Variants in USP53 observed in about 807,000 individuals in gnomAD.
USP53 encodes the protein ubiquitin carboxyl-terminal hydrolase 53.
In USP53, 71 loss-of-function variants were observed where a neutral mutation model predicts 94.9. The ratio of observed to expected loss-of-function variants is 0.75; its 90% CI spans 0.62 to 0.91. The LOEUF is 0.91. Ranked by LOEUF, USP53 falls within the 40% of genes least tolerant of loss-of-function variation. The pLI, the probability that USP53 is intolerant of heterozygous loss-of-function variation, is 0.00. For missense variants in USP53, 1,173 were observed against 1,281.0 expected (o/e 0.92, Z 1.29); for synonymous variants, 375 against 422.7 (o/e 0.89, Z 1.39).
At chr4:119,278,401 T>C (rs1399229861) in intron 17 of USP53, among the ~76,000 whole-genome samples, 1 of 148,158 alleles carries the variant, frequency 6.7e-6, no homozygotes, top group Non-Finnish European at 1.5e-5. Flanking sequence ...TTGAAAATTC[T>C]TTTCTTTAAG....
intron 17 of USP53, among the ~76,000 whole-genome samples, chr4:119,283,939 G>T (rs1753799008): frequency 6.6e-6 from 1 of 151,872 alleles, no homozygotes; most frequent in Admixed American, 6.6e-5. Flanking sequence ...AGATCGAAGG[G>T]CAAGAAATAG....
In USP53 at chr4:119,269,808, G is replaced by A; in HGVS notation, c.1406G>A (p.Gly469Glu). The A allele has an allele frequency of 1.3e-6, 2 of 1,503,254 alleles. No individual in the cohort carries two copies. Among genetic ancestry groups the A allele is most frequent in the Admixed American group, 2.2e-5 (1 of 45,552 alleles). The allele number at this position is 1,503,254 out of a possible 1,614,324, so 93.1% of individuals were successfully genotyped here. ...LSSQRKDLEKGQRKDLGRHRD... is the reference protein window; with the variant it reads ...LSSQRKDLEKEQRKDLGRHRD... ...TCACAAAGGAAAGATTTAGAGAAGGGACAAAGAAAAGATTTAGGACGACAT... is the reference window on the plus strand; with the variant it reads ...TCACAAAGGAAAGATTTAGAGAAGGAACAAAGAAAAGATTTAGGACGACAT... The change falls in exon 15 of 19, where the codon GGA becomes GAA. Residue 469 changes from glycine to glutamate, a missense_variant. By Grantham distance (98) the Gly-to-Glu change is moderately conservative. Transcript: ENST00000692078.
intron 13 of USP53, 25 bp downstream of exon 13, chr4:119,267,507 C>T (rs376139155): frequency 6.3e-7 from 1 of 1,595,534 alleles, no homozygotes; most frequent in Non-Finnish European, 8.5e-7. Context: ...TAAAAATTCT[C>T]AATGTTTTTC....
At chr4:119,292,194 A>G (rs552403029) in intron 18 of USP53, 144 bp from the exon 19 acceptor site, 43 of 887,960 alleles carry the variant, frequency 4.8e-5, no homozygotes, top group Middle Eastern at 7.2e-4. Flanking sequence ...GGTTGCAAAT[A>G]TCTTTCCATT....
chr4:119,216,379 T>TA lies in USP53; in HGVS notation c.-788-1156dup, dbSNP rs34476597. 2.8e-3 allele frequency among the ~76,000 whole-genome samples: 415 copies of TA among 146,768 alleles called. 4 individuals are homozygous for TA. The highest frequency in any genetic ancestry group is 7.5e-3 in the Admixed American group (111 of 14,762). The stretch of plus-strand genomic sequence containing the variant: ...CTGGGCGACCGAGTGAGACTCTGTC[T>TA]AAAAAAAAAAAAAAATCATTAAGTA... On this transcript the variant is annotated intron_variant, in intron 2 of 18. Coordinates refer to ENST00000692078, the MANE Select transcript of USP53 (RefSeq NM_001371395.1).
chr4:119,278,357 T>G lies in USP53; in HGVS notation c.2251+4649T>G, dbSNP rs552874713. Among the ~76,000 whole-genome samples the G allele has an allele frequency of 6.2e-3, 944 of 151,618 alleles. 12 individuals carry two copies. The highest frequency in any genetic ancestry group is 0.021 in the African/African-American group (869 of 41,300). ...AAGTATTTTATTTCTCCTTCACTTA[T>G]GAAGCTTAGTTTGGCTGGATATGAA... On this transcript the variant is annotated intron_variant, in intron 17 of 18. Coordinates refer to ENST00000692078, the MANE Select transcript of USP53 (RefSeq NM_001371395.1).
intron 13 of USP53, 95 bp from the exon 14 acceptor site, chr4:119,268,173 C>CAA (rs10683951): frequency 0.075 from 63,962 of 853,712 alleles, 561 homozygotes; most frequent in African/African-American, 0.12. Flanking sequence ...GACTCCGTCT[C>CAA]AAAAAAAAAA....
intron 3 of USP53, among the ~76,000 whole-genome samples, chr4:119,223,043 T>C (rs998702750): frequency 6.6e-6 from 1 of 152,246 alleles, no homozygotes; most frequent in Non-Finnish European, 1.5e-5. Flanking sequence ...TCACTGTCTC[T>C]ATTTTCAGTA....
Position 119,279,594 on chromosome 4 carries a change from G to A in USP53, c.2251+5886G>A, listed in dbSNP as rs572043538. ...GCCCCCAGAGGTGGAGCCTACAGAG[G>A]CAGGCAGGCCTCCTTGAGCTGTGGT... On this transcript the variant is annotated intron_variant, in intron 17 of 18. Coordinates refer to ENST00000692078, the MANE Select transcript of USP53 (RefSeq NM_001371395.1). 2.2e-4 allele frequency among the ~76,000 whole-genome samples: 34 copies of A among 151,686 alleles called. 1 individual carries two copies. In the South Asian group the frequency reaches 2.3e-3, roughly 10 times the overall value.
intron 17 of USP53, among the ~76,000 whole-genome samples, chr4:119,289,412 C>G (rs1754485860): frequency 6.6e-6 from 1 of 152,154 alleles, no homozygotes; most frequent in African/African-American, 2.4e-5. Flanking sequence ...AAAGTAACAT[C>G]TTAATATTAT....
At chr4:119,259,596 T>G (rs1750223289) in intron 9 of USP53, among the ~76,000 whole-genome samples, 1 of 152,192 alleles carries the variant, frequency 6.6e-6, no homozygotes, top group Non-Finnish European at 1.5e-5. Flanking sequence ...TATAATTTTG[T>G]GTTACTTTGT....
chr4:119,287,050 T>G (rs908384042), intron 17 of USP53, among the ~76,000 whole-genome samples: 1 of 152,004 alleles, frequency 6.6e-6, no homozygotes, highest in Non-Finnish European at 1.5e-5. Context: ...CAATTCATAC[T>G]TAACTTGTCT....
chr4:119,270,020 G>A (rs1256001578), intron 15 of USP53, among the ~76,000 whole-genome samples, 183 bp downstream of exon 15: 2 of 145,200 alleles, frequency 1.4e-5, no homozygotes, highest in African/African-American at 5.0e-5. Flanking sequence ...ATATATTTCT[G>A]TATATGTATA....
chr4:119,227,835 C>T (rs1745533395), intron 3 of USP53, among the ~76,000 whole-genome samples: 1 of 152,064 alleles, frequency 6.6e-6, no homozygotes. Context: ...GAAACAACTG[C>T]AATTAATCTC....
intron 9 of USP53, among the ~76,000 whole-genome samples, 153 bp downstream of exon 9, chr4:119,256,676 A>C (rs571519130): frequency 9.2e-5 from 14 of 152,334 alleles, no homozygotes; most frequent in African/African-American, 2.6e-4. Context: ...AGTGATGTCT[A>C]TCAAAGTTGG....
At chr4:119,274,446 C>T (rs1053667326) in intron 17 of USP53, among the ~76,000 whole-genome samples, 1 of 151,992 alleles carries the variant, frequency 6.6e-6, no homozygotes, top group Non-Finnish European at 1.5e-5. Flanking sequence ...TTTATGGCTG[C>T]ATAGTATTCC....
intron 4 of USP53, among the ~76,000 whole-genome samples, chr4:119,235,613 G>C (rs1746632425): frequency 6.6e-6 from 1 of 151,922 alleles, no homozygotes. Context: ...TCTTAAAAAG[G>C]GCTTGTGAGA....
intron 3 of USP53, among the ~76,000 whole-genome samples, chr4:119,233,175 T>TC (rs1491496664): frequency 1.5e-4 from 11 of 71,358 alleles, no homozygotes; most frequent in East Asian, 5.2e-4. Flanking sequence ...TCTCTCTCTC[T>TC]TTTTTTTTTT....
intron 17 of USP53, among the ~76,000 whole-genome samples, chr4:119,274,536 G>A (rs1292215564): frequency 6.6e-5 from 10 of 151,942 alleles, no homozygotes; most frequent in Admixed American, 6.6e-4. Flanking sequence ...TTGCTATTGT[G>A]AATAATGCCG....
Sources: gnomAD v4.1 joint callset for allele counts (sites outside exome capture counted in the v4.1 genomes callset) on GRCh38, gnomAD v4.1.1 for gene constraint, MANE v1.5 for transcripts, NCBI Gene and HGNC (gene_info 2026-07-23, HGNC 2026-07-21) for gene names.